Variants in C12orf43 observed in about 807,000 individuals in gnomAD.
The protein encoded by C12orf43 is protein CUSTOS.
A neutral mutation model predicts 20.6 loss-of-function variants in C12orf43; 15 were observed. The observed-to-expected ratio is 0.73, with a 90% CI of 0.49 to 1.12. C12orf43 has a LOEUF of 1.12. Ranked by LOEUF, C12orf43 falls within the 50% of genes most tolerant of loss-of-function variation. The pLI is 0.00. For synonymous variants in C12orf43, 144 were observed against 130.8 expected (o/e 1.10, Z -0.69); for missense variants, 334 against 344.4 (o/e 0.97, Z 0.24).
In C12orf43 at chr12:121,003,696, C is replaced by A. The variant is rs1365609662; in HGVS notation, c.*457G>T. The A allele has an allele frequency of 5.9e-6, 1 of 168,458 alleles. No individual in the cohort carries two copies. The highest frequency in any genetic ancestry group is 1.3e-5 in the Non-Finnish European group (1 of 78,160). The allele number at this position is 168,458 out of a possible 1,614,324, so 10.4% of individuals were successfully genotyped here. A position where few individuals can be genotyped will look rare whatever the true frequency, so the allele number is the denominator to read the frequency against. ...GCTAAGGAGAGAAGAACAAAAGTTTCTCTGGGCCTTGGCCTCTTGGGGATC... is the reference window on the plus strand; with the variant it reads ...GCTAAGGAGAGAAGAACAAAAGTTTATCTGGGCCTTGGCCTCTTGGGGATC... On this transcript the variant is annotated 3_prime_UTR_variant, in exon 6 of 6. Coordinates refer to ENST00000288757, the MANE Select transcript of C12orf43 (RefSeq NM_022895.3).
chr12:121,012,480 G>A, intron 1 of C12orf43: 1 of 702,552 alleles, frequency 1.4e-6, no homozygotes, highest in Non-Finnish European at 2.6e-6. Flanking sequence ...AGACTGTTGG[G>A]GCAAAGGCAG....
intron 3 of C12orf43, among the ~76,000 whole-genome samples, chr12:121,007,387 A>G (rs1378168338): frequency 6.6e-6 from 1 of 152,156 alleles, no homozygotes; most frequent in Non-Finnish European, 1.5e-5. Context: ...CGGTTTTGTC[A>G]CTTATTAGCT....
At position 121,015,288 on chromosome 12, in the gene C12orf43, A is replaced by G. The variant is rs1868801927; in HGVS notation, c.145+1042T>C. The stretch of plus-strand genomic sequence containing the variant: ...TGAGAGGGGCAGACTATGGTCTGGA[A>G]GCTACCTACAGGAAGTGCAGTATGG... On this transcript the variant is annotated intron_variant, in intron 1 of 5. Transcript: ENST00000288757. Among the ~76,000 whole-genome samples the G allele has an allele frequency of 3.9e-5, 6 of 152,310 alleles. No homozygotes were observed. In the South Asian group the frequency reaches 1.2e-3, roughly 32 times the overall value.
chr12:121,011,337 ATAATT>A (rs1878443288), intron 1 of C12orf43, among the ~76,000 whole-genome samples, 191 bp from the exon 2 acceptor site: 1 of 148,560 alleles, frequency 6.7e-6, no homozygotes, highest in Non-Finnish European at 1.5e-5. Context: ...ATAGTTACAT[ATAATT>A]TAGTTATATA....
intron 1 of C12orf43, among the ~76,000 whole-genome samples, 156 bp from the exon 2 acceptor site, chr12:121,011,302 AAT>A (rs1878440421): frequency 6.7e-6 from 1 of 149,246 alleles, no homozygotes; most frequent in Non-Finnish European, 1.5e-5. Context: ...TATAACTTAA[AAT>A]AGTTATATAC....
chr12:121,013,867 G>C (rs1398337277), intron 1 of C12orf43, among the ~76,000 whole-genome samples: 1 of 152,150 alleles, frequency 6.6e-6, no homozygotes, highest in Admixed American at 6.6e-5. Context: ...GACAACCTTG[G>C]CCAAGTTATT....
intron 1 of C12orf43, 102 bp from the exon 2 acceptor site, chr12:121,011,248 C>T: frequency 1.2e-6 from 1 of 821,362 alleles, no homozygotes; most frequent in Non-Finnish European, 2.0e-6. Flanking sequence ...ACATATAACT[C>T]ATATATATAC....
At chr12:121,006,234 AAG>A in intron 4 of C12orf43, 85 bp downstream of exon 4, 116 of 1,197,004 alleles carry the variant, frequency 9.7e-5, no homozygotes, top group South Asian at 4.2e-4. Context: ...AAAAAAAAAA[AAG>A]AATATACCAA....
chr12:121,007,839 C>G (rs1203199386), intron 3 of C12orf43, among the ~76,000 whole-genome samples: 1 of 152,136 alleles, frequency 6.6e-6, no homozygotes, highest in East Asian at 1.9e-4. Context: ...GGAAAAGCAA[C>G]CCGGGGAGAG....
chr12:121,012,965 G>A (rs1159891599), intron 1 of C12orf43, among the ~76,000 whole-genome samples: 1 of 149,956 alleles, frequency 6.7e-6, no homozygotes, highest in Non-Finnish European at 1.5e-5. Context: ...TAACTAACAA[G>A]ACAAAACGTG....
rs765310481 is a variant in C12orf43 at position 121,000,843 on chromosome 12, A to C, written c.*3310T>G. 6.8e-6 allele frequency: 4 copies of C among 590,700 alleles called. No individual in the cohort carries two copies. The highest frequency in any genetic ancestry group is 1.8e-5 in the African/African-American group (1 of 54,388). 36.6% of individuals were successfully genotyped at this position (590,700 alleles called of 1,614,324 possible). A position where few individuals can be genotyped will look rare whatever the true frequency, so the allele number is the denominator to read the frequency against. On this transcript the variant is annotated 3_prime_UTR_variant, in exon 6 of 6. Coordinates refer to ENST00000288757, the MANE Select transcript of C12orf43 (RefSeq NM_022895.3). ...TCTCACCGGGGCTTCTCCAGTGTTC[A>C]CACTAAGATGTACTCAGGCCACTCC...
At chr12:121,015,018 G>T (rs1200034063) in intron 1 of C12orf43, among the ~76,000 whole-genome samples, 1 of 152,058 alleles carries the variant, frequency 6.6e-6, no homozygotes. Flanking sequence ...CATGTGGAAA[G>T]ACCAACCACA....
chr12:121,004,991 G>T lies in C12orf43; in HGVS notation c.452+12C>A. The T allele has an allele frequency of 5.2e-6, 8 of 1,525,528 alleles. No individual in the cohort carries two copies. Among genetic ancestry groups the T allele is most frequent in the Non-Finnish European group, 7.0e-6 (8 of 1,136,964 alleles). The allele number at this position is 1,525,528 out of a possible 1,614,324, so 94.5% of individuals were successfully genotyped here. A position where few individuals can be genotyped will look rare whatever the true frequency, so the allele number is the denominator to read the frequency against. On this transcript the variant is annotated intron_variant, in intron 5 of 5. Transcript: ENST00000288757. This position sits in a 1 kb window ranked among gnomAD's most constrained non-coding sequence, Gnocchi z 5.6. ...AAAAGGAGGGGACGTGAGGAGAGGT[G>T]TGAGTTCTCACCTGGAGCTGGAGGG...
At position 121,003,358 on chromosome 12, in the gene C12orf43, C is replaced by T. The variant is rs1877680081; in HGVS notation, c.*795G>A. 6.6e-6 allele frequency: 1 copy of T among 152,190 alleles called. No individual in the cohort carries two copies. Among genetic ancestry groups the T allele is most frequent in the Admixed American group, 6.6e-5 (1 of 15,266 alleles). 9.4% of individuals were successfully genotyped at this position (152,190 alleles called of 1,614,324 possible). ...TCTACTTCTTGCAGAATGCCTTTGT[C>T]CCATGAAACCTAGTCCACGAGTGCT... On this transcript the variant is annotated 3_prime_UTR_variant, in exon 6 of 6. Coordinates refer to ENST00000288757, the MANE Select transcript of C12orf43 (RefSeq NM_022895.3).
intron 3 of C12orf43, among the ~76,000 whole-genome samples, chr12:121,009,593 C>T (rs1447759701): frequency 6.6e-6 from 1 of 152,126 alleles, no homozygotes; most frequent in Non-Finnish European, 1.5e-5. Flanking sequence ...GACCCCTCGC[C>T]CATGCCACTA....
In C12orf43 at chr12:121,000,937, G is replaced by A. The variant is rs1877419520; in HGVS notation, c.*3216C>T. 1.5e-6 allele frequency: 2 copies of A among 1,326,754 alleles called. No homozygotes were observed. Among genetic ancestry groups the A allele is most frequent in the East Asian group, 2.3e-5 (1 of 42,836 alleles). 82.2% of individuals were successfully genotyped at this position (1,326,754 alleles called of 1,614,324 possible). On this transcript the variant is annotated 3_prime_UTR_variant, in exon 6 of 6. Coordinates refer to ENST00000288757, the MANE Select transcript of C12orf43 (RefSeq NM_022895.3). Reference sequence around the variant, plus strand: ...CCGAGGGTAGAGGTGTGACTTTGGGGTTCCTGTTATCTGCTGTGATCCAGG... The same window carrying A: ...CCGAGGGTAGAGGTGTGACTTTGGGATTCCTGTTATCTGCTGTGATCCAGG...
chr12:121,014,830 G>A (rs996365091), intron 1 of C12orf43, among the ~76,000 whole-genome samples: 33 of 151,884 alleles, frequency 2.2e-4, no homozygotes, highest in Non-Finnish European at 4.0e-4. Context: ...AATACAAAAA[G>A]TAGCTGGGAC....
rs1247880851 is a variant in C12orf43, at chr12:121,001,756, C to T, written c.*2397G>A. 1.9e-6 allele frequency: 1 copy of T among 534,498 alleles called. No individual in the cohort carries two copies. Among genetic ancestry groups the T allele is most frequent in the Non-Finnish European group, 3.6e-6 (1 of 275,624 alleles). The allele number at this position is 534,498 out of a possible 1,614,324, so 33.1% of individuals were successfully genotyped here. A position where few individuals can be genotyped will look rare whatever the true frequency, so the allele number is the denominator to read the frequency against. ...CCATCACCTACTCACACAGGCATTT[C>T]CTGGGTGGCTACTCTGTGCCAGAGC... On this transcript the variant is annotated 3_prime_UTR_variant, in exon 6 of 6. Coordinates refer to ENST00000288757, the MANE Select transcript of C12orf43 (RefSeq NM_022895.3).
In C12orf43 at chr12:121,010,893, G is replaced by A. The variant is rs748824214; in HGVS notation, c.222C>T (p.Asn74=). 7.4e-6 allele frequency: 12 copies of A among 1,614,088 alleles called. 1 individual carries two copies. Among genetic ancestry groups the A allele is most frequent in the East Asian group, 6.7e-5 (3 of 44,886 alleles). The change falls in exon 3 of 6, where the codon AAC becomes AAT. Residue 74 remains asparagine, a synonymous_variant. Transcript: ENST00000288757. Reference sequence around the variant, plus strand: ...GGAATTCAGGGGTGGTCTGAAGCTCGTTGCCATCTTGTTCATGCTCATTCA... The same window carrying A: ...GGAATTCAGGGGTGGTCTGAAGCTCATTGCCATCTTGTTCATGCTCATTCA... ...HKVNEHEQDG[N]ELQTTPEFRA...
Sources: gnomAD v4.1 joint callset for allele counts (sites outside exome capture counted in the v4.1 genomes callset) on GRCh38, gnomAD v4.1.1 for gene constraint, Gnocchi (gnomAD v3.1) non-coding constraint, MANE v1.5 for transcripts, NCBI Gene and HGNC (gene_info 2026-07-23, HGNC 2026-07-21) for gene names.